RBFOX1: variants seen among roughly 807,000 people sequenced by gnomAD.
RBFOX1 encodes RNA binding fox-1 homolog 1.
Under a neutral mutation model 57.7 loss-of-function variants are expected in RBFOX1, and 8 were observed. The ratio of observed to expected loss-of-function variants is 0.14; its 90% CI spans 0.08 to 0.25. The LOEUF (loss-of-function observed/expected upper bound fraction) is 0.25. Among genes scored for constraint, RBFOX1 ranks in the 10% least tolerant of loss-of-function variants. RBFOX1 has a pLI of 1.00. For missense variants in RBFOX1, 611 were observed against 548.5 expected (o/e 1.11, Z -1.14); for synonymous variants, 326 against 222.4 (o/e 1.47, Z -4.15).
In RBFOX1 at chr16:6,668,218, T is replaced by A. The variant is rs567238574; in HGVS notation, c.-16+13568T>A. Among the ~76,000 whole-genome samples the A allele has an allele frequency of 3.9e-5, 6 of 152,270 alleles. No homozygotes were observed. The South Asian group carries it at 1.2e-3, about 32-fold the overall frequency. ...ATCTCTGGTGTCAAGTCATATTGAT[T>A]GTGGCGGCACAGAACACCTTGTTGA... On this transcript the variant is annotated intron_variant, in intron 3 of 15. Transcript: ENST00000550418.
At chr16:6,024,768 G>A (rs1047762942) in intron 1 of RBFOX1, among the ~76,000 whole-genome samples, 7 of 152,230 alleles carry the variant, frequency 4.6e-5, no homozygotes, top group African/African-American at 1.4e-4. Context: ...ACAGGCGTGA[G>A]CCACCACGCC....
At chr16:5,823,490 G>A (rs927516055) in intron 3 of RBFOX1, among the ~76,000 whole-genome samples, 5 of 151,988 alleles carry the variant, frequency 3.3e-5, no homozygotes, top group African/African-American at 4.8e-5. Flanking sequence ...CTATGGCTGG[G>A]GTCCCCAAAC....
At chr16:7,268,431 A>G (rs1301531911) in intron 4 of RBFOX1, among the ~76,000 whole-genome samples, 1 of 152,158 alleles carries the variant, frequency 6.6e-6, no homozygotes, top group South Asian at 2.1e-4. Flanking sequence ...GCTCTCTGGG[A>G]GAAGGAAGCA....
At chr16:6,113,012 C>T (rs1010982998) in intron 1 of RBFOX1, among the ~76,000 whole-genome samples, 1 of 152,142 alleles carries the variant, frequency 6.6e-6, no homozygotes, top group Non-Finnish European at 1.5e-5. Context: ...CAGCTATTGC[C>T]ACCATGGTTC....
chr16:5,696,793 T>C (rs2050858768), intron 3 of RBFOX1, among the ~76,000 whole-genome samples: 1 of 152,234 alleles, frequency 6.6e-6, no homozygotes, highest in Non-Finnish European at 1.5e-5. Context: ...CATGTCTGTC[T>C]ATAATCTGCA....
At chr16:7,552,347 C>A (rs977044801) in intron 5 of RBFOX1, among the ~76,000 whole-genome samples, 9 of 152,116 alleles carry the variant, frequency 5.9e-5, no homozygotes, top group Non-Finnish European at 1.3e-4. Flanking sequence ...TGAGAGGCGA[C>A]AGGATACTCA....
chr16:6,378,232 G>T (rs2091418990), intron 2 of RBFOX1, among the ~76,000 whole-genome samples: 1 of 152,210 alleles, frequency 6.6e-6, no homozygotes, highest in Non-Finnish European at 1.5e-5. Flanking sequence ...AGCTCCATCT[G>T]CCGCACACTC....
rs574492910 is a variant in RBFOX1, at chr16:6,265,253, TTTTG to T, written c.-126-51729_-126-51726del. ...CTATTTTTTTTTTGACATTTTGTTT[TTTTG>T]TTTGTTTGTTTGGGGTTTTTGTGAG... is the stretch of plus-strand genomic sequence containing the variant. On this transcript the variant is annotated intron_variant, in intron 1 of 15. Transcript: ENST00000550418. 1.7e-3 allele frequency among the ~76,000 whole-genome samples: 264 copies of T among 152,186 alleles called. 1 individual carries two copies. Among genetic ancestry groups the T allele is most frequent in the Middle Eastern group, 0.01 (3 of 294 alleles).
chr16:6,171,332 C>T (rs1217537773), intron 1 of RBFOX1, among the ~76,000 whole-genome samples: 1 of 152,192 alleles, frequency 6.6e-6, no homozygotes, highest in African/African-American at 2.4e-5. Context: ...TTTCATGCAT[C>T]CCCTATTGTT....
chr16:7,186,290 A>C (rs1224797616), intron 4 of RBFOX1, among the ~76,000 whole-genome samples: 2 of 116,802 alleles, frequency 1.7e-5, no homozygotes, highest in Non-Finnish European at 3.3e-5. Context: ...ATATTTATAT[A>C]AATATAAACA....
chr16:6,224,896 G>A (rs2097404384), intron 1 of RBFOX1, among the ~76,000 whole-genome samples: 1 of 151,804 alleles, frequency 6.6e-6, no homozygotes, highest in South Asian at 2.1e-4. Flanking sequence ...GTGGGCACCT[G>A]TAATTCTACC....
At chr16:5,972,591 C>T (rs1286825100) in intron 4 of RBFOX1, among the ~76,000 whole-genome samples, 1 of 152,204 alleles carries the variant, frequency 6.6e-6, no homozygotes, top group Non-Finnish European at 1.5e-5. Flanking sequence ...TGAGATGCGG[C>T]ACCTGGAATA....
At position 5,592,764 on chromosome 16, in the gene RBFOX1, A is replaced by G; in HGVS notation, c.259-6138A>G. On this transcript the variant is annotated intron_variant, in intron 2 of 2. Coordinates refer to the RBFOX1 transcript ENST00000585867. ...TGTGGTCTGTGTTCATCCAACAGCC[A>G]TGATCTGGCCTCATAGGCTCCTCAG... 1.3e-5 allele frequency among the ~76,000 whole-genome samples: 2 copies of G among 152,220 alleles called. 1 individual carries two copies. The highest frequency in any genetic ancestry group is 2.9e-5 in the Non-Finnish European group (2 of 68,040).
chr16:6,412,398 T>G (rs2093487336), intron 2 of RBFOX1, among the ~76,000 whole-genome samples: 1 of 152,210 alleles, frequency 6.6e-6, no homozygotes, highest in African/African-American at 2.4e-5. Context: ...AAAGGAGGCC[T>G]TATTAGTCTC....
At chr16:6,250,968 A>G (rs917912404) in intron 1 of RBFOX1, among the ~76,000 whole-genome samples, 2 of 151,996 alleles carry the variant, frequency 1.3e-5, no homozygotes, top group African/African-American at 4.8e-5. Context: ...ACCCAATTTG[A>G]TGTCCTTATG....
intron 3 of RBFOX1, among the ~76,000 whole-genome samples, chr16:6,749,370 GAGTGCC>G (rs2074447756): frequency 6.6e-6 from 1 of 152,182 alleles, no homozygotes; most frequent in Non-Finnish European, 1.5e-5. Flanking sequence ...CTCAGGACAT[GAGTGCC>G]ACCATCCTTC....
Position 7,683,894 on chromosome 16 carries a change from A to G in RBFOX1, c.995+7056A>G, listed in dbSNP as rs80102216. ...GTAATCCAGTAAAGCAGAAGATAGA[A>G]TATCTTAGCTCATGCAGCATTTGTG... On this transcript the variant is annotated intron_variant, in intron 14 of 15. Transcript: ENST00000550418. Among the ~76,000 whole-genome samples, 1,475 of 152,236 alleles carry G rather than the reference A, an allele frequency of 9.7e-3. 24 individuals carry two copies. Among genetic ancestry groups the G allele is most frequent in the African/African-American group, 0.034 (1,401 of 41,544 alleles).
intron 4 of RBFOX1, among the ~76,000 whole-genome samples, chr16:7,416,303 C>G (rs970663336): frequency 9.2e-5 from 14 of 152,206 alleles, no homozygotes; most frequent in African/African-American, 3.4e-4. Flanking sequence ...TCCAGAGACT[C>G]TGAGCTTACG....
At chr16:6,816,137 G>A (rs900965221) in intron 3 of RBFOX1, among the ~76,000 whole-genome samples, 12 of 152,162 alleles carry the variant, frequency 7.9e-5, no homozygotes, top group East Asian at 7.7e-4. Context: ...AGGAGACCCC[G>A]TCTCTACAAA....
Sources: gnomAD v4.1 joint callset for allele counts (sites outside exome capture counted in the v4.1 genomes callset) on GRCh38, gnomAD v4.1.1 for gene constraint, MANE v1.5 for transcripts, NCBI Gene and HGNC (gene_info 2026-07-23, HGNC 2026-07-21) for gene names.